Variants in DYM observed in about 807,000 individuals in gnomAD.
DYM encodes dymeclin.
Under a neutral mutation model 93.1 loss-of-function variants are expected in DYM, and 78 were observed. The observed-to-expected ratio is 0.84, with a 90% confidence interval of 0.70 to 1.01. The LOEUF is 1.01. DYM is among the 50% of genes least tolerant of loss of function. The probability of loss-of-function intolerance (pLI) is 0.00; values close to 1 mark genes in which losing one functional copy is unlikely to be tolerated. For missense variants in DYM, 789 were observed against 845.0 expected (o/e 0.93, Z 0.82); for synonymous variants, 321 against 319.7 (o/e 1.00, Z -0.04).
intron 15 of DYM, among the ~76,000 whole-genome samples, chr18:49,129,764 C>T (rs542734001): frequency 5.9e-5 from 9 of 152,200 alleles, no homozygotes; most frequent in African/African-American, 2.2e-4. Context: ...GGGCAGGCTC[C>T]AAGACTCATT....
rs1188340331 is a variant in DYM at position 49,166,986 on chromosome 18, TTCCGTGTGTGTGTG to T, written c.1626-3213_1626-3200del. 6.5e-5 allele frequency among the ~76,000 whole-genome samples: 7 copies of T among 107,218 alleles called. No individual in the cohort carries two copies. The South Asian group carries it at 1.8e-3, about 27-fold the overall frequency. 70.3% of individuals were successfully genotyped at this position (107,218 alleles called of 152,430 possible). On this transcript the variant is annotated intron_variant, in intron 14 of 17. Transcript: ENST00000675505. ...CAAACCTGGGATGTTCATTCTCACA[TTCCGTGTGTGTGTG>T]TGTGTGTGTGTGTGTGTGTGTGTGT...
intron 8 of DYM, among the ~76,000 whole-genome samples, chr18:49,325,983 A>G (rs767434901): frequency 1.3e-5 from 2 of 152,240 alleles, no homozygotes; most frequent in Non-Finnish European, 2.9e-5. Flanking sequence ...AAAGGCCCAC[A>G]GCAGAAGAGA....
At chr18:49,313,387 A>AG (rs1449686428) in intron 8 of DYM, among the ~76,000 whole-genome samples, 1 of 134,752 alleles carries the variant, frequency 7.4e-6, no homozygotes, top group African/African-American at 2.7e-5. Context: ...CACTTGAACC[A>AG]GGGGGGCGGA....
chr18:49,074,680 T>A (rs1288795), intron 17 of DYM, among the ~76,000 whole-genome samples: 133,360 of 152,242 alleles, frequency 0.88, 58,741 homozygotes, highest in South Asian at 0.93. Flanking sequence ...GATACTCATC[T>A]GTGCTTTGTA....
chr18:49,197,631 T>C (rs1046335117), intron 14 of DYM, among the ~76,000 whole-genome samples: 2 of 152,170 alleles, frequency 1.3e-5, no homozygotes, highest in African/African-American at 4.8e-5. Context: ...CCATTCACAA[T>C]TGCTTCAAAG....
intron 17 of DYM, among the ~76,000 whole-genome samples, chr18:49,063,325 A>T (rs1385332878): frequency 2.7e-5 from 4 of 147,746 alleles, no homozygotes; most frequent in Admixed American, 6.7e-5. Flanking sequence ...TTTTTTTTTT[A>T]AATCCATGCC....
intron 6 of DYM, among the ~76,000 whole-genome samples, chr18:49,356,965 C>T (rs2065624530): frequency 6.6e-6 from 1 of 152,004 alleles, no homozygotes; most frequent in African/African-American, 2.4e-5. Flanking sequence ...ACAGAGAACC[C>T]TAAAAATAAT....
chr18:49,392,357 C>T (rs1427481432), intron 2 of DYM, among the ~76,000 whole-genome samples: 3 of 151,866 alleles, frequency 2.0e-5, no homozygotes, highest in Non-Finnish European at 4.4e-5. Context: ...TGGACTTTAC[C>T]AAAATTAAAA....
chr18:49,336,447 C>T (rs1317909767), intron 6 of DYM, among the ~76,000 whole-genome samples: 3 of 152,068 alleles, frequency 2.0e-5, no homozygotes, highest in African/African-American at 7.2e-5. Flanking sequence ...GGGTTTGATG[C>T]TGGGAGGTAA....
intron 13 of DYM, among the ~76,000 whole-genome samples, chr18:49,226,181 A>G (rs1189479293): frequency 2.0e-5 from 3 of 152,162 alleles, no homozygotes; most frequent in Admixed American, 1.3e-4. Flanking sequence ...CCAGGTATCT[A>G]AAATTCCGAG....
rs2094404290 is a variant in DYM, at chr18:49,257,004, A to T, written c.1460+6T>A. ...AATCAGTATTTCTTTTAAAGTTCAT[A>T]TTTACCTGATGATCCTCTGGGCAGC... On this transcript the variant is annotated splice_donor_region_variant and intron_variant, in intron 13 of 17. Transcript: ENST00000675505. 6.2e-7 allele frequency: 1 copy of T among 1,609,256 alleles called. No homozygotes were observed. Among genetic ancestry groups the T allele is most frequent in the Non-Finnish European group, 8.5e-7 (1 of 1,175,640 alleles).
At chr18:49,106,195 T>C (rs987017986) in intron 16 of DYM, among the ~76,000 whole-genome samples, 1 of 152,224 alleles carries the variant, frequency 6.6e-6, no homozygotes, top group Non-Finnish European at 1.5e-5. Context: ...CCTTTGTTGG[T>C]TTAAAGTCTG....
chr18:49,209,603 C>G lies in DYM; in HGVS notation c.1573G>C (p.Glu525Gln). The G allele has an allele frequency of 1.6e-6, 2 of 1,289,762 alleles. No homozygotes were observed. The highest frequency in any genetic ancestry group is 1.1e-4 in the East Asian group (2 of 18,024). The allele number at this position is 1,289,762 out of a possible 1,614,324, so 79.9% of individuals were successfully genotyped here. ...HCFSTLSDNG[E>Q]ELLSLTCSHI... ...GAGCAAGTTAAAGACAAGAGTTCCT[C>G]TCCATTGTCACTGAGGGTCGAGAAG... is the stretch of plus-strand genomic sequence containing the variant. The change falls in exon 14 of 18, where the codon GAG (glutamate) becomes CAG (glutamine). Residue 525 changes from glutamate (E) to glutamine (Q), a missense_variant. By Grantham distance (29) the Glu-to-Gln change is conservative. This residue lies in a region of DYM where 225 missense variants were observed against 303.0 expected (regional missense o/e 0.74). Transcript: ENST00000675505.
At chr18:49,102,054 T>C (rs1012441172) in intron 16 of DYM, among the ~76,000 whole-genome samples, 1 of 152,196 alleles carries the variant, frequency 6.6e-6, no homozygotes, top group East Asian at 1.9e-4. Flanking sequence ...TGGGTTTAAA[T>C]CCCACCTCTT....
chr18:49,049,243 C>G (rs1205690678), intron 17 of DYM, among the ~76,000 whole-genome samples: 2 of 152,106 alleles, frequency 1.3e-5, no homozygotes, highest in East Asian at 1.9e-4. Context: ...TATAGTTACT[C>G]ATTTCATCTT....
chr18:49,299,929 G>C (rs563900193), intron 8 of DYM, among the ~76,000 whole-genome samples: 69 of 150,990 alleles, frequency 4.6e-4, no homozygotes, highest in Non-Finnish European at 8.9e-4. Flanking sequence ...TGTAGTCCCA[G>C]CTACTCGGGA....
intron 8 of DYM, among the ~76,000 whole-genome samples, chr18:49,296,076 G>A (rs2060523796): frequency 6.6e-6 from 1 of 152,038 alleles, no homozygotes; most frequent in Admixed American, 6.6e-5. Context: ...TGGGTGGCAG[G>A]TGCCACCACA....
Position 49,145,512 on chromosome 18 carries a change from T to G in DYM, c.1728+18173A>C, listed in dbSNP as rs113988481. Reference sequence around the variant, plus strand: ...TCAAAGAAGTCGAGTTTCATTCCTCTTTCACTTTTACCCAATTTCTTCACT... The same window carrying G: ...TCAAAGAAGTCGAGTTTCATTCCTCGTTCACTTTTACCCAATTTCTTCACT... On this transcript the variant is annotated intron_variant, in intron 15 of 17. Transcript: ENST00000675505. 7.7e-4 allele frequency among the ~76,000 whole-genome samples: 117 copies of G among 152,310 alleles called. 3 individuals carry two copies. The highest frequency in any genetic ancestry group is 2.6e-3 in the African/African-American group (110 of 41,570).
chr18:49,051,184 G>A (rs899321582), intron 17 of DYM, among the ~76,000 whole-genome samples: 1 of 152,184 alleles, frequency 6.6e-6, no homozygotes. Flanking sequence ...TGTCTTTCAA[G>A]TAATAATAAT....
Sources: gnomAD v4.1 joint callset for allele counts (sites outside exome capture counted in the v4.1 genomes callset) on GRCh38, gnomAD v4.1.1 for gene constraint, gnomAD v4.1.1 regional missense constraint, MANE v1.5 for transcripts, NCBI Gene and HGNC (gene_info 2026-07-23, HGNC 2026-07-21) for gene names.